The following GCNT1 variants were observed in gnomAD, a reference collection of about 807,000 sequenced individuals.
The protein encoded by GCNT1 is glucosaminyl (N-acetyl) transferase 1.
A neutral mutation model predicts 26.2 loss-of-function variants in GCNT1; 16 were observed. That is an observed-to-expected ratio of 0.61 (90% CI 0.41 to 0.93). The LOEUF (loss-of-function observed/expected upper bound fraction) is 0.93. GCNT1 is among the 40% of genes least tolerant of loss of function. The pLI, the probability that GCNT1 is intolerant of heterozygous loss-of-function variation, is 0.00. For missense variants in GCNT1, 477 were observed against 526.7 expected (o/e 0.91, Z 0.92); for synonymous variants, 183 against 190.8 (o/e 0.96, Z 0.34).
intron 2 of GCNT1, among the ~76,000 whole-genome samples, chr9:76,474,844 C>G (rs970637330): frequency 6.6e-6 from 1 of 152,146 alleles, no homozygotes; most frequent in Non-Finnish European, 1.5e-5. Context: ...ATAAACATCC[C>G]CTCTCCAAAA....
intron 1 of GCNT1, among the ~76,000 whole-genome samples, chr9:76,434,768 C>T (rs964213543): frequency 2.6e-5 from 4 of 152,226 alleles, no homozygotes; most frequent in East Asian, 1.9e-4. Context: ...AGAGAGATAT[C>T]GCTAAATTCT....
chr9:76,447,914 C>A (rs28591137), intron 1 of GCNT1, among the ~76,000 whole-genome samples: 2,525 of 152,236 alleles, frequency 0.017, 70 homozygotes, highest in African/African-American at 0.057. Context: ...GAAAATGCCT[C>A]ACAACTTCTA....
At chr9:76,473,067 G>A (rs1273102507) in intron 2 of GCNT1, among the ~76,000 whole-genome samples, 2 of 151,996 alleles carry the variant, frequency 1.3e-5, no homozygotes, top group Admixed American at 6.6e-5. Context: ...CTGTCTTTAC[G>A]TCTTTGTTTC....
intron 1 of GCNT1, among the ~76,000 whole-genome samples, chr9:76,424,037 A>G (rs1208945670): frequency 2.6e-5 from 4 of 152,234 alleles, no homozygotes; most frequent in Non-Finnish European, 4.4e-5. Flanking sequence ...CCTTGGAATC[A>G]AAGGTGTAGC....
At chr9:76,492,001 A>T (rs1371678173) in intron 2 of GCNT1, among the ~76,000 whole-genome samples, 1 of 152,226 alleles carries the variant, frequency 6.6e-6, no homozygotes, top group Admixed American at 6.5e-5. Context: ...CACCGCCGCA[A>T]CTATCTGTAA....
intron 2 of GCNT1, among the ~76,000 whole-genome samples, chr9:76,470,049 C>T (rs1320837913): frequency 6.6e-6 from 1 of 152,028 alleles, no homozygotes; most frequent in Non-Finnish European, 1.5e-5. Context: ...CTCTTAGGGT[C>T]TATACTAAGA....
At position 76,505,175 on chromosome 9, in the gene GCNT1, A is replaced by G; in HGVS notation, c.*1507A>G. On this transcript the variant is annotated 3_prime_UTR_variant, in exon 4 of 4. Transcript: ENST00000376730. The stretch of plus-strand genomic sequence containing the variant: ...TGCTGTATTTTTAAAATCTAGCCAA[A>G]TTAAATAGTACATGAGAAATTCAGA... 2 of 392,296 alleles carry G rather than the reference A, an allele frequency of 5.1e-6. No individual in the cohort carries two copies. Among genetic ancestry groups the G allele is most frequent in the Non-Finnish European group, 9.4e-6 (2 of 213,354 alleles). 24.3% of individuals were successfully genotyped at this position (392,296 alleles called of 1,614,324 possible). A position where few individuals can be genotyped will look rare whatever the true frequency, so the allele number is the denominator to read the frequency against.
chr9:76,489,107 A>G (rs1231451928), intron 2 of GCNT1, among the ~76,000 whole-genome samples: 1 of 152,142 alleles, frequency 6.6e-6, no homozygotes, highest in African/African-American at 2.4e-5. Flanking sequence ...TAAGGTACCT[A>G]TATCTGGTCT....
chr9:76,419,792 A>T (rs1823165726), upstream of GCNT1: 1 of 152,234 alleles, frequency 6.6e-6, no homozygotes, highest in Non-Finnish European at 1.5e-5. Flanking sequence ...ACTGTCTAAA[A>T]ATAACATTTA....
At chr9:76,478,607 A>G (rs993343753) in intron 2 of GCNT1, among the ~76,000 whole-genome samples, 1 of 152,230 alleles carries the variant, frequency 6.6e-6, no homozygotes, top group Non-Finnish European at 1.5e-5. Context: ...TGTCTGACTT[A>G]CTTGAGTTAG....
intron 2 of GCNT1, among the ~76,000 whole-genome samples, chr9:76,480,354 A>G (rs62565117): frequency 0.25 from 37,333 of 151,636 alleles, 4,769 homozygotes; most frequent in East Asian, 0.31. Context: ...TTTTGGTTCC[A>G]TATGAACTTT....
At chr9:76,412,265 C>T in the GCNT1 span, among the ~76,000 whole-genome samples, 64 of 152,278 alleles carry the variant, frequency 4.2e-4, no homozygotes, top group Middle Eastern at 3.4e-3. Context: ...CAATCAAATA[C>T]ATTTTGCCAT....
chr9:76,432,065 C>T (rs865945359), intron 1 of GCNT1, among the ~76,000 whole-genome samples: 3 of 152,170 alleles, frequency 2.0e-5, no homozygotes, highest in Non-Finnish European at 4.4e-5. Flanking sequence ...GCTGAGATTG[C>T]ACCACTGCAC....
At chr9:76,436,934 A>T (rs1481903397), upstream of GCNT1, among the ~76,000 whole-genome samples, 1 of 152,048 alleles carries the variant, frequency 6.6e-6, no homozygotes, top group Non-Finnish European at 1.5e-5. Flanking sequence ...CAGGGTGGGG[A>T]GCATCACACA....
intron 2 of GCNT1, among the ~76,000 whole-genome samples, chr9:76,460,612 A>G (rs1005758839): frequency 6.6e-6 from 1 of 152,192 alleles, no homozygotes; most frequent in African/African-American, 2.4e-5. Flanking sequence ...CAGGGAGGAA[A>G]ACTCAGACTG....
rs571083288 is a variant in GCNT1, at chr9:76,422,020, G to A, written n.38+2133G>A. Among the ~76,000 whole-genome samples the A allele has an allele frequency of 2.6e-5, 4 of 152,160 alleles. No individual in the cohort carries two copies. The South Asian group carries it at 8.3e-4, about 32-fold the overall frequency. ...GAGGCCTCAGGAAACTTACAATCAT[G>A]GTGGATGACACCTCTTCACAGGGCA... On this transcript the variant is annotated intron_variant and non_coding_transcript_variant, in intron 1 of 3. Coordinates refer to the GCNT1 transcript ENST00000488136.
rs1825183143 is a variant in GCNT1 at position 76,504,537 on chromosome 9, G to A, written c.*869G>A. On this transcript the variant is annotated 3_prime_UTR_variant, in exon 4 of 4. Coordinates refer to ENST00000376730, the MANE Select transcript of GCNT1 (RefSeq NM_001490.5). ...TATTGTCTCTGCTATCTGACTGCCA[G>A]TAATTAGTGCAGAAAACTAAGACAG... The A allele has an allele frequency of 2.6e-6, 1 of 391,746 alleles. No individual in the cohort carries two copies. The highest frequency in any genetic ancestry group is 1.5e-4 in the South Asian group (1 of 6,852). 24.3% of individuals were successfully genotyped at this position (391,746 alleles called of 1,614,324 possible). A position where few individuals can be genotyped will look rare whatever the true frequency, so the allele number is the denominator to read the frequency against.
At chr9:76,458,471 C>A (rs552064639), upstream of GCNT1, among the ~76,000 whole-genome samples, 1 of 151,794 alleles carries the variant, frequency 6.6e-6, no homozygotes, top group South Asian at 2.1e-4. Context: ...CGTGAGCCAC[C>A]GCGCCCGGCC....
At chr9:76,394,579 C>A in the GCNT1 span, 22 of 160,964 alleles carry the variant, frequency 1.4e-4, no homozygotes, top group Non-Finnish European at 2.8e-4. Context: ...GCCGCTGCCT[C>A]GCCCGGCTCC....
Sources: gnomAD v4.1 joint callset for allele counts (sites outside exome capture counted in the v4.1 genomes callset) on GRCh38, gnomAD v4.1.1 for gene constraint, MANE v1.5 for transcripts, NCBI Gene and HGNC (gene_info 2026-07-23, HGNC 2026-07-21) for gene names.